Variants in CHSY3 observed in about 807,000 individuals in gnomAD.
CHSY3 encodes the protein chondroitin sulfate synthase 3.
A neutral mutation model predicts 67.2 loss-of-function variants in CHSY3; 35 were observed. That is an observed-to-expected ratio of 0.52 (90% CI 0.40 to 0.69). The LOEUF (loss-of-function observed/expected upper bound fraction) is 0.69, where lower values mean the gene tolerates loss of function less well. CHSY3 is among the 30% of genes least tolerant of loss of function. CHSY3 has a pLI of 0.00. For missense variants in CHSY3, 1,069 were observed against 1,138.5 expected, an observed-to-expected ratio of 0.94 and a Z score of 0.88; for synonymous variants, 474 against 434.7, an observed-to-expected ratio of 1.09 and a Z score of -1.12.
chr5:130,095,592 A>G (rs559152423), intron 2 of CHSY3, among the ~76,000 whole-genome samples: 7 of 152,376 alleles, frequency 4.6e-5, no homozygotes, highest in East Asian at 1.9e-4. Context: ...AAGAATTCCA[A>G]TTTTAAGTGT....
chr5:129,904,289 G>T (rs1013159809), upstream of CHSY3, among the ~76,000 whole-genome samples: 1 of 151,778 alleles, frequency 6.6e-6, no homozygotes, highest in Non-Finnish European at 1.5e-5. Context: ...CGGACGGGGG[G>T]CGTCCAAGGG....
chr5:130,107,542 A>G (rs898522257), intron 2 of CHSY3, among the ~76,000 whole-genome samples: 5 of 151,466 alleles, frequency 3.3e-5, no homozygotes, highest in Non-Finnish European at 7.4e-5. Context: ...TTTGAAAATG[A>G]GTTGTTTTCC....
rs58064256 is a variant in CHSY3, at chr5:130,162,854, G to A, written c.1087-21375G>A. On this transcript the variant is annotated intron_variant, in intron 2 of 2. Coordinates refer to ENST00000305031, the MANE Select transcript of CHSY3 (RefSeq NM_175856.5). ...GTACTGTGGCTGGCACAATGCAAAT[G>A]GAATAAATTACATAGCCGCAATCAA... 5.6e-3 allele frequency among the ~76,000 whole-genome samples: 852 copies of A among 152,290 alleles called. 8 individuals carry two copies. Among genetic ancestry groups the A allele is most frequent in the African/African-American group, 0.018 (759 of 41,550 alleles).
chr5:130,075,127 C>G (rs1422650380), intron 2 of CHSY3, among the ~76,000 whole-genome samples: 1 of 152,042 alleles, frequency 6.6e-6, no homozygotes, highest in African/African-American at 2.4e-5. Flanking sequence ...CAGAGAAGGG[C>G]CATTGCGGTC....
intron 2 of CHSY3, among the ~76,000 whole-genome samples, chr5:130,083,740 G>A (rs74777003): frequency 0.024 from 3,595 of 151,984 alleles, 69 homozygotes; most frequent in Admixed American, 0.036. Flanking sequence ...CAGTGTTCTG[G>A]ATACCAGAAA....
At chr5:129,974,667 T>C (rs1277929497) in intron 2 of CHSY3, among the ~76,000 whole-genome samples, 1 of 152,004 alleles carries the variant, frequency 6.6e-6, no homozygotes, top group Non-Finnish European at 1.5e-5. Context: ...GAGAATGAGA[T>C]TCGGGAGCAG....
chr5:130,168,203 T>C (rs75234069), intron 2 of CHSY3, among the ~76,000 whole-genome samples: 4,023 of 152,236 alleles, frequency 0.026, 168 homozygotes, highest in African/African-American at 0.09. Context: ...AACGCCTTCA[T>C]TGGGCTTTGC....
At chr5:129,913,210 CCTCTTATTATTTGTAAGA>C (rs1256003595) in intron 2 of CHSY3, among the ~76,000 whole-genome samples, 9 of 152,150 alleles carry the variant, frequency 5.9e-5, no homozygotes, top group Non-Finnish European at 1.2e-4. Flanking sequence ...CCCTTCATGT[CCTCTTATTATTTGTAAGA>C]CTCTTCTTTC....
intron 2 of CHSY3, among the ~76,000 whole-genome samples, chr5:130,117,435 A>G (rs1045346114): frequency 6.6e-6 from 1 of 152,192 alleles, no homozygotes; most frequent in Non-Finnish European, 1.5e-5. Flanking sequence ...AGAGCTGAAA[A>G]TAAAAACCAG....
intron 2 of CHSY3, among the ~76,000 whole-genome samples, chr5:130,019,995 AG>A (rs1764319962): frequency 6.6e-6 from 1 of 152,176 alleles, no homozygotes; most frequent in Non-Finnish European, 1.5e-5. Context: ...CTTTGTACTG[AG>A]GAATATTAGA....
At chr5:129,967,196 A>G (rs1030620643) in intron 2 of CHSY3, among the ~76,000 whole-genome samples, 1 of 151,820 alleles carries the variant, frequency 6.6e-6, no homozygotes, top group Non-Finnish European at 1.5e-5. Context: ...CCACATTTAT[A>G]TAGGGTGAGA....
chr5:130,073,502 G>A (rs1300728531), intron 2 of CHSY3, among the ~76,000 whole-genome samples: 2 of 151,876 alleles, frequency 1.3e-5, no homozygotes, highest in African/African-American at 4.8e-5. Context: ...TGGCCAGGCT[G>A]GTCTTGAACA....
chr5:129,978,428 A>G (rs1031987232), intron 2 of CHSY3, among the ~76,000 whole-genome samples: 2 of 152,170 alleles, frequency 1.3e-5, no homozygotes, highest in East Asian at 1.9e-4. Flanking sequence ...CATATTTTAC[A>G]TATGTACACA....
chr5:130,116,863 C>CTT lies in CHSY3; in HGVS notation c.1087-67354_1087-67353dup, dbSNP rs10610925. ...AATTGCCTTTCAGCTCTAGCTTTGT[C>CTT]TTTTTTTTTTTTTGAGTAAATAAGT... On this transcript the variant is annotated intron_variant, in intron 2 of 2. Coordinates refer to ENST00000305031, the MANE Select transcript of CHSY3 (RefSeq NM_175856.5). 2.8e-3 allele frequency among the ~76,000 whole-genome samples: 420 copies of CTT among 148,930 alleles called. 2 individuals carry two copies. Among genetic ancestry groups the CTT allele is most frequent in the African/African-American group, 9.9e-3 (403 of 40,838 alleles).
At chr5:130,020,328 G>C (rs1368554646) in intron 2 of CHSY3, among the ~76,000 whole-genome samples, 2 of 151,294 alleles carry the variant, frequency 1.3e-5, no homozygotes, top group Non-Finnish European at 2.9e-5. Context: ...GCTGAGGCAG[G>C]AGAATTGCTG....
chr5:129,925,625 A>C (rs1481278749), intron 2 of CHSY3, among the ~76,000 whole-genome samples: 1 of 152,122 alleles, frequency 6.6e-6, no homozygotes, highest in African/African-American at 2.4e-5. Flanking sequence ...ACAGTATATT[A>C]TTATTAACTA....
intron 2 of CHSY3, among the ~76,000 whole-genome samples, chr5:130,029,461 G>T (rs1010122415): frequency 1.4e-4 from 21 of 152,108 alleles, no homozygotes; most frequent in African/African-American, 4.8e-4. Context: ...TAGACTGTCT[G>T]CCCCAAGCCC....
At chr5:129,942,688 T>C (rs189295430) in intron 2 of CHSY3, among the ~76,000 whole-genome samples, 2 of 152,174 alleles carry the variant, frequency 1.3e-5, no homozygotes, top group African/African-American at 2.4e-5. Context: ...TTCTAAAAGT[T>C]TTCTGATTTC....
Position 130,139,413 on chromosome 5 carries a change from G to A in CHSY3, c.1087-44816G>A, listed in dbSNP as rs533756024. ...GTGTGGGCTCTGTCACACTTTAGCC[G>A]GACATGAAGTCTATGTGAGCTCCAG... On this transcript the variant is annotated intron_variant, in intron 2 of 2. Coordinates refer to ENST00000305031, the MANE Select transcript of CHSY3 (RefSeq NM_175856.5). Among the ~76,000 whole-genome samples, 162 of 152,282 alleles carry A rather than the reference G, an allele frequency of 1.1e-3. 2 individuals carry two copies. In the South Asian group the frequency reaches 0.012, roughly 11 times the overall value.
Sources: gnomAD v4.1 joint callset for allele counts (sites outside exome capture counted in the v4.1 genomes callset) on GRCh38, gnomAD v4.1.1 for gene constraint, MANE v1.5 for transcripts, NCBI Gene and HGNC (gene_info 2026-07-23, HGNC 2026-07-21) for gene names.